The following EYS variants were observed in gnomAD, a reference collection of about 807,000 sequenced individuals.
EYS encodes the protein protein eyes shut homolog.
In EYS, 250 loss-of-function variants were observed where a neutral mutation model predicts 282.1. That is an observed-to-expected ratio of 0.89 (90% confidence interval 0.80 to 0.98). The LOEUF (loss-of-function observed/expected upper bound fraction) is 0.98, where lower values mean the gene tolerates loss of function less well. EYS is among the 50% of genes least tolerant of loss of function. The pLI is 0.00. For synonymous variants in EYS, 1,355 were observed against 1,282.9 expected (o/e 1.06, Z -1.20); for missense variants, 4,016 against 3,709.0 (o/e 1.08, Z -2.15).
At chr6:65,431,168 C>T (rs557069328) in intron 5 of EYS, among the ~76,000 whole-genome samples, 3 of 152,202 alleles carry the variant, frequency 2.0e-5, no homozygotes, top group African/African-American at 7.2e-5. Flanking sequence ...CATCTTACTT[C>T]AGAATCCGTT....
intron 29 of EYS, 24 bp from the exon 30 acceptor site, chr6:64,307,106 A>AG: frequency 1.1e-6 from 1 of 928,390 alleles, no homozygotes; most frequent in Non-Finnish European, 1.7e-6. Flanking sequence ...AGAGAGAGAG[A>AG]AGTAGAGATA....
At chr6:64,435,383 T>TA (rs1774707401) in intron 28 of EYS, among the ~76,000 whole-genome samples, 1 of 151,654 alleles carries the variant, frequency 6.6e-6, no homozygotes, top group Admixed American at 6.6e-5. Context: ...AGAACTTCCT[T>TA]AAAACCTCTC....
intron 11 of EYS, among the ~76,000 whole-genome samples, chr6:65,324,195 C>A (rs1769554961): frequency 6.6e-6 from 1 of 151,910 alleles, no homozygotes; most frequent in Non-Finnish European, 1.5e-5. Flanking sequence ...ATTGTTTTTC[C>A]CGTGGTATTT....
intron 33 of EYS, among the ~76,000 whole-genome samples, chr6:64,030,673 T>A (rs571650985): frequency 6.6e-6 from 1 of 152,198 alleles, no homozygotes; most frequent in Admixed American, 6.5e-5. Context: ...CTTTTCTAGG[T>A]CCCGTGTCAG....
At chr6:64,564,054 T>C (rs1765484521) in intron 26 of EYS, among the ~76,000 whole-genome samples, 4 of 151,942 alleles carry the variant, frequency 2.6e-5, no homozygotes, top group African/African-American at 4.8e-5. Context: ...AATGTTGCAA[T>C]GAGCATGGGT....
chr6:64,498,462 A>ATT (rs200131435), intron 26 of EYS, among the ~76,000 whole-genome samples: 1 of 146,784 alleles, frequency 6.8e-6, no homozygotes, highest in Non-Finnish European at 1.5e-5. Flanking sequence ...TTATATACTC[A>ATT]TTTTTTTTTT....
chr6:64,087,958 A>G (rs1358221878), intron 31 of EYS, among the ~76,000 whole-genome samples: 5 of 152,094 alleles, frequency 3.3e-5, no homozygotes, highest in Non-Finnish European at 7.4e-5. Flanking sequence ...GAGCACATCT[A>G]TTATATAATT....
chr6:64,255,432 A>G (rs1046859839), intron 30 of EYS, among the ~76,000 whole-genome samples: 7 of 152,088 alleles, frequency 4.6e-5, no homozygotes, highest in African/African-American at 1.7e-4. Context: ...CTAAAAAGTT[A>G]TATAAAATTT....
At chr6:64,943,689 T>A (rs1055707978) in intron 15 of EYS, among the ~76,000 whole-genome samples, 4 of 152,158 alleles carry the variant, frequency 2.6e-5, no homozygotes, top group Middle Eastern at 6.8e-3. Context: ...TACAAAACAC[T>A]GCTAAAAGCA....
At chr6:63,843,135 T>G (rs1772006727) in intron 36 of EYS, among the ~76,000 whole-genome samples, 1 of 152,194 alleles carries the variant, frequency 6.6e-6, no homozygotes, top group Non-Finnish European at 1.5e-5. Flanking sequence ...GTTTTTCTAA[T>G]TCTGTGAAGA....
intron 18 of EYS, among the ~76,000 whole-genome samples, chr6:64,889,714 C>A (rs770291216): frequency 9.2e-5 from 14 of 152,002 alleles, no homozygotes; most frequent in Non-Finnish European, 1.6e-4. Flanking sequence ...TTCCTATGCC[C>A]GTCTTTACTT....
intron 29 of EYS, among the ~76,000 whole-genome samples, chr6:64,351,282 T>A (rs143091738): frequency 6.6e-6 from 1 of 151,570 alleles, no homozygotes; most frequent in African/African-American, 2.4e-5. Context: ...TTTCAGTCTA[T>A]GCAAGTTTTA....
intron 30 of EYS, among the ~76,000 whole-genome samples, chr6:64,231,469 T>G (rs1169229888): frequency 6.6e-6 from 1 of 152,156 alleles, no homozygotes; most frequent in South Asian, 2.1e-4. Flanking sequence ...TCCTAATAAG[T>G]ACCTTAAATT....
intron 26 of EYS, among the ~76,000 whole-genome samples, chr6:64,474,743 A>G (rs1776212918): frequency 6.6e-6 from 1 of 152,236 alleles, no homozygotes; most frequent in Non-Finnish European, 1.5e-5. Context: ...AATACAGTAT[A>G]TTTGTTAAAC....
intron 22 of EYS, among the ~76,000 whole-genome samples, chr6:64,653,200 T>C (rs549706855): frequency 1.3e-5 from 2 of 152,270 alleles, no homozygotes; most frequent in East Asian, 3.9e-4. Flanking sequence ...GAATGCCTGA[T>C]GCTACCAAAA....
At chr6:65,478,200 T>C (rs762472414) in intron 5 of EYS, among the ~76,000 whole-genome samples, 1 of 152,094 alleles carries the variant, frequency 6.6e-6, no homozygotes, top group Non-Finnish European at 1.5e-5. Context: ...AATATATGAA[T>C]GACAGCAGAG....
intron 12 of EYS, among the ~76,000 whole-genome samples, chr6:65,129,534 G>C (rs1775808059): frequency 6.6e-6 from 1 of 151,718 alleles, no homozygotes; most frequent in Non-Finnish European, 1.5e-5. Flanking sequence ...AAACAAGACA[G>C]ACTAGTAGCC....
Position 65,495,489 on chromosome 6 carries a change from A to G in EYS, c.-79T>C. The G allele has an allele frequency of 3.3e-6, 5 of 1,496,226 alleles. No individual in the cohort carries two copies. Among genetic ancestry groups the G allele is most frequent in the Non-Finnish European group, 3.7e-6 (4 of 1,094,868 alleles). 92.7% of individuals were successfully genotyped at this position (1,496,226 alleles called of 1,614,324 possible). A position where few individuals can be genotyped will look rare whatever the true frequency, so the allele number is the denominator to read the frequency against. On this transcript the variant is annotated 5_prime_UTR_variant, in exon 4 of 43. Transcript: ENST00000503581. Reference sequence around the variant, plus strand: ...TTTTAAGTATTACCGGAAATTTCCAAGTAAAGTTGTGGTTAAGGATTCCTG... The same window carrying G: ...TTTTAAGTATTACCGGAAATTTCCAGGTAAAGTTGTGGTTAAGGATTCCTG...
chr6:65,333,672 C>T (rs929139458), intron 11 of EYS, among the ~76,000 whole-genome samples: 4 of 151,456 alleles, frequency 2.6e-5, no homozygotes, highest in Non-Finnish European at 5.9e-5. Flanking sequence ...GGCTATTTCT[C>T]CCTTAAATTA....
Sources: allele counts gnomAD v4.1 joint callset (sites outside exome capture counted in the v4.1 genomes callset), GRCh38; gene constraint gnomAD v4.1.1; transcripts MANE v1.5; gene names NCBI Gene and HGNC (gene_info 2026-07-23, HGNC 2026-07-21).